The following LRRK2 variants were observed in gnomAD, a reference collection of about 807,000 sequenced individuals.
The protein encoded by LRRK2 is leucine rich repeat kinase 2.
A neutral mutation model predicts 302.6 loss-of-function variants in LRRK2; 203 were observed. That is an observed-to-expected ratio of 0.67 (90% CI 0.60 to 0.75). LRRK2 has a LOEUF of 0.75. Among genes scored for constraint, LRRK2 ranks in the 30% least tolerant of loss-of-function variants. LRRK2 has a pLI of 0.00. For missense variants in LRRK2, 2,830 were observed against 2,951.0 expected (o/e 0.96, Z 0.95); for synonymous variants, 1,066 against 1,031.9 (o/e 1.03, Z -0.63).
Position 40,365,025 on chromosome 12 carries a change from CAG to C in LRRK2, c.7368_7369del (p.Arg2456SerfsTer11). The C allele has an allele frequency of 6.2e-7, 1 of 1,612,334 alleles. No homozygotes were observed. Among genetic ancestry groups the C allele is most frequent in the Non-Finnish European group, 8.5e-7 (1 of 1,178,884 alleles). On this transcript the variant is annotated frameshift_variant, in exon 49 of 51. Transcript: ENST00000298910. LOFTEE classifies it high-confidence loss of function. ...TAATTTACAACTTTTGTAATTCGGT[CAG>C]AGTCATGATGACAGCACAGCTAGGC... ...RVIYNFCNSV[R>X]VMMTAQLGSL...
rs1943813859 is a variant in LRRK2, at chr12:40,284,035, A to G, written c.2402A>G (p.Asn801Ser). The change falls in exon 19 of 51, where the codon AAT becomes AGT. Residue 801 changes from asparagine to serine, a missense_variant. Physicochemically the swap from Asn to Ser is conservative, Grantham distance 46 (BLOSUM62 1). Coordinates refer to ENST00000298910, the MANE Select transcript of LRRK2 (RefSeq NM_198578.4). Reference protein sequence around the residue: ...LRRLALDVANNSICLGGFCIG... With the variant: ...LRRLALDVANSSICLGGFCIG... ...AGGCTGGCCCTGGATGTGGCCAACA[A>G]TAGCATTTGCCTTGGAGGATTTTGT... 1 of 1,613,750 alleles carries G rather than the reference A, an allele frequency of 6.2e-7. No homozygotes were observed. Among genetic ancestry groups the G allele is most frequent in the Admixed American group, 1.7e-5 (1 of 59,990 alleles).
intron 43 of LRRK2, among the ~76,000 whole-genome samples, chr12:40,349,351 A>C (rs1312064354): frequency 4.6e-5 from 7 of 152,186 alleles, no homozygotes; most frequent in African/African-American, 1.4e-4. Flanking sequence ...TCATCCAGGA[A>C]TATTTTAACC....
rs1239020738 is a variant in LRRK2 at position 40,367,855 on chromosome 12, C to A, written c.*90C>A. ...AAAATGTTCACATGGAAAGGGTACT[C>A]ACATTTTTTGAAATAGCTCGTGTGT... On this transcript the variant is annotated 3_prime_UTR_variant, in exon 51 of 51. Transcript: ENST00000298910. The A allele has an allele frequency of 7.4e-7, 1 of 1,343,872 alleles. No homozygotes were observed. The highest frequency in any genetic ancestry group is 1.0e-6 in the Non-Finnish European group (1 of 988,820). 83.2% of individuals were successfully genotyped at this position (1,343,872 alleles called of 1,614,324 possible). A position where few individuals can be genotyped will look rare whatever the true frequency, so the allele number is the denominator to read the frequency against.
rs1555185349 is a variant in LRRK2, at chr12:40,298,799, A to ATG, written c.3347+306_3347+307insTG. On this transcript the variant is annotated intron_variant, in intron 24 of 50. Transcript: ENST00000298910. ...AAGAAATATATATATATATATATAT[A>ATG]ATATATGTATTATAATATATAATAC... Among the ~76,000 whole-genome samples the ATG allele has an allele frequency of 3.1e-5, 2 of 64,802 alleles. 1 individual carries two copies. Among genetic ancestry groups the ATG allele is most frequent in the African/African-American group, 1.0e-4 (2 of 19,054 alleles). 42.5% of individuals were successfully genotyped at this position (64,802 alleles called of 152,430 possible).
intron 19 of LRRK2, among the ~76,000 whole-genome samples, chr12:40,286,084 A>C (rs1057321719): frequency 6.6e-6 from 1 of 151,942 alleles, no homozygotes; most frequent in African/African-American, 2.4e-5. Flanking sequence ...GAGATTTATC[A>C]TTCACTATAT....
chr12:40,309,370 A>G, intron 30 of LRRK2, 137 bp downstream of exon 30: 1 of 1,164,622 alleles, frequency 8.6e-7, no homozygotes, highest in Non-Finnish European at 1.2e-6. Context: ...AGAAGCACTA[A>G]AATTTTGAAT....
At position 40,249,939 on chromosome 12, in the gene LRRK2, C is replaced by T. The variant is rs1259652933; in HGVS notation, c.952C>T (p.Leu318Phe). The T allele has an allele frequency of 1.9e-6, 3 of 1,613,652 alleles. No individual in the cohort carries two copies. The highest frequency in any genetic ancestry group is 2.2e-5 in the South Asian group (2 of 91,064). Residue 318 changes from leucine (L) to phenylalanine (F), a missense_variant, in exon 8 of 51, where the codon CTC (leucine) becomes TTC (phenylalanine). Leu to Phe is a conservative substitution (Grantham distance 22). Transcript: ENST00000298910. Reference sequence around the variant, plus strand: ...GATCTCAGCGCTCAGCTGTTTGGCCCTCCTCAGTAAGTAACTTCACTAAAA... The same window carrying T: ...GATCTCAGCGCTCAGCTGTTTGGCCTTCCTCAGTAAGTAACTTCACTAAAA... Reference protein sequence around the residue: ...LQISALSCLALLTETIFLNQD... With the variant: ...LQISALSCLAFLTETIFLNQD...
chr12:40,344,321 G>T (rs1159709963), intron 41 of LRRK2, among the ~76,000 whole-genome samples: 1 of 152,128 alleles, frequency 6.6e-6, no homozygotes, highest in Non-Finnish European at 1.5e-5. Context: ...ATAGTACCTA[G>T]ATATAATAGA....
intron 20 of LRRK2, among the ~76,000 whole-genome samples, chr12:40,290,492 G>C (rs1944102438): frequency 6.6e-6 from 1 of 151,958 alleles, no homozygotes; most frequent in African/African-American, 2.4e-5. Context: ...ATGTCTGATA[G>C]ACTTCACCAG....
At chr12:40,262,800 TAGGC>T (rs1308487507) in intron 13 of LRRK2, among the ~76,000 whole-genome samples, 1 of 152,204 alleles carries the variant, frequency 6.6e-6, no homozygotes, top group African/African-American at 2.4e-5. Context: ...TAAGGTGTAA[TAGGC>T]AGCCTCAGAA....
intron 21 of LRRK2, among the ~76,000 whole-genome samples, chr12:40,294,465 T>G (rs1203507354): frequency 6.6e-6 from 1 of 152,084 alleles, no homozygotes; most frequent in African/African-American, 2.4e-5. Context: ...ATGGGTGAAA[T>G]GAATGACTGT....
intron 40 of LRRK2, among the ~76,000 whole-genome samples, chr12:40,337,758 G>C (rs895676902): frequency 2.0e-5 from 3 of 152,038 alleles, no homozygotes; most frequent in Non-Finnish European, 4.4e-5. Flanking sequence ...CAAACTTCTT[G>C]GCATAGCATC....
chr12:40,276,204 A>C (rs909131706), intron 16 of LRRK2, among the ~76,000 whole-genome samples: 12 of 152,188 alleles, frequency 7.9e-5, no homozygotes, highest in African/African-American at 2.9e-4. Context: ...GTTACTCTGG[A>C]TTAATTCATC....
At chr12:40,304,215 T>G in intron 27 of LRRK2, 81 bp downstream of exon 27, 1 of 1,335,760 alleles carries the variant, frequency 7.5e-7, no homozygotes, top group Non-Finnish European at 1.1e-6. Flanking sequence ...ATATTTAGCT[T>G]CTAAATACCA....
chr12:40,315,266 T>C lies in LRRK2; in HGVS notation c.4793T>C (p.Val1598Ala). The change falls in exon 33 of 51, where the codon GTG becomes GCG. Residue 1598 changes from valine (V) to alanine (A), a missense_variant. This residue lies in a region of LRRK2 where 2,121 missense variants were observed against 2,148.0 expected (regional missense o/e 0.99). Coordinates refer to ENST00000298910, the MANE Select transcript of LRRK2 (RefSeq NM_198578.4). ...CTGCAGTTAAGTGACTTGTACTTTGTGGAACCCAAGTGGCTTTGTAAAATC... is the reference window on the plus strand; with the variant it reads ...CTGCAGTTAAGTGACTTGTACTTTGCGGAACCCAAGTGGCTTTGTAAAATC... ...PALQLSDLYF[V>A]EPKWLCKIMA... The C allele has an allele frequency of 6.2e-7, 1 of 1,612,798 alleles. No homozygotes were observed. Among genetic ancestry groups the C allele is most frequent in the Non-Finnish European group, 8.5e-7 (1 of 1,178,970 alleles).
rs1944721595 is a variant in LRRK2 at position 40,304,063 on chromosome 12, G to T, written c.3706G>T (p.Asp1236Tyr). The change falls in exon 27 of 51, where the codon GAC becomes TAC. Residue 1236 changes from aspartate (D) to tyrosine (Y), a missense_variant. Physicochemically the swap from Asp to Tyr is radical, Grantham distance 160. Around this residue, in one of 3 missense-constraint regions of LRRK2, gnomAD observed 2,121 missense variants for 2,148.0 expected, o/e 0.99. Transcript: ENST00000298910. ...LFSHNQISIL[D>Y]LSEKAYLWSR... is the part of the protein sequence containing the mutation. ...TAGCCATAATCAGATCAGCATCTTG[G>T]ACTTGAGTGAAAAAGCATATTTATG... The T allele has an allele frequency of 2.5e-6, 4 of 1,613,638 alleles. No individual in the cohort carries two copies. Among genetic ancestry groups the T allele is most frequent in the Non-Finnish European group, 3.4e-6 (4 of 1,179,706 alleles).
chr12:40,319,420 CG>C (rs1945330900), intron 33 of LRRK2, among the ~76,000 whole-genome samples: 1 of 151,928 alleles, frequency 6.6e-6, no homozygotes, highest in African/African-American at 2.4e-5. Context: ...TTAGAAACAT[CG>C]GGGTTGCTCT....
chr12:40,261,076 T>C (rs889195909), intron 13 of LRRK2, among the ~76,000 whole-genome samples: 1 of 152,190 alleles, frequency 6.6e-6, no homozygotes, highest in African/African-American at 2.4e-5. Flanking sequence ...ATTCAATCAG[T>C]ATTTTAAAAA....
chr12:40,318,647 A>C (rs1945300543), intron 33 of LRRK2, among the ~76,000 whole-genome samples: 1 of 152,092 alleles, frequency 6.6e-6, no homozygotes, highest in South Asian at 2.1e-4. Context: ...TAGGGCTGAT[A>C]TTCAAATGAG....
Sources: gnomAD v4.1 joint callset for allele counts (sites outside exome capture counted in the v4.1 genomes callset) on GRCh38, gnomAD v4.1.1 for gene constraint, gnomAD v4.1.1 regional missense constraint, MANE v1.5 for transcripts, NCBI Gene and HGNC (gene_info 2026-07-23, HGNC 2026-07-21) for gene names.